The following NAALADL2 variants were observed in gnomAD, a reference collection of about 807,000 sequenced individuals.
The protein encoded by NAALADL2 is inactive N-acetylated-alpha-linked acidic dipeptidase-like protein 2.
Under a neutral mutation model 87.2 loss-of-function variants are expected in NAALADL2, and 76 were observed. That is an observed-to-expected ratio of 0.87 (90% CI 0.72 to 1.05). NAALADL2 has a LOEUF of 1.05. Among genes scored for constraint, NAALADL2 ranks in the 50% least tolerant of loss-of-function variants. The pLI, the probability that NAALADL2 is intolerant of heterozygous loss-of-function variation, is 0.00. For missense variants in NAALADL2, 1,089 were observed against 945.8 expected (o/e 1.15, Z -1.99); for synonymous variants, 354 against 331.0 (o/e 1.07, Z -0.75).
chr3:174,637,715 A>C (rs879894484), intron 2 of NAALADL2, among the ~76,000 whole-genome samples: 2 of 152,148 alleles, frequency 1.3e-5, no homozygotes, highest in Non-Finnish European at 2.9e-5. Context: ...AATATTCACA[A>C]TATAATTCTA....
chr3:174,675,569 C>T (rs966208411), intron 2 of NAALADL2, among the ~76,000 whole-genome samples: 5 of 151,976 alleles, frequency 3.3e-5, no homozygotes, highest in African/African-American at 9.7e-5. Context: ...CAACAGCCAA[C>T]CAGAACAGAC....
At chr3:174,954,972 C>A (rs73881568) in intron 1 of NAALADL2, among the ~76,000 whole-genome samples, 1,762 of 152,058 alleles carry the variant, frequency 0.012, 30 homozygotes, top group African/African-American at 0.04. Context: ...CCGTTAACAA[C>A]AATATATTAT....
At chr3:175,678,017 G>A (rs968838150) in intron 11 of NAALADL2, among the ~76,000 whole-genome samples, 13 of 152,192 alleles carry the variant, frequency 8.5e-5, no homozygotes, top group Admixed American at 3.9e-4. Flanking sequence ...AAATTTGGAA[G>A]ATTCAAAGGG....
intron 1 of NAALADL2, among the ~76,000 whole-genome samples, chr3:174,997,405 A>G (rs1747646101): frequency 6.6e-6 from 1 of 151,986 alleles, no homozygotes; most frequent in Non-Finnish European, 1.5e-5. Context: ...TTTTTTATTT[A>G]TTGTTTTGAT....
At chr3:174,488,415 A>G (rs895304338) in intron 1 of NAALADL2, among the ~76,000 whole-genome samples, 2 of 152,082 alleles carry the variant, frequency 1.3e-5, no homozygotes, top group Non-Finnish European at 1.5e-5. Flanking sequence ...AATAATATAT[A>G]TAAAGCAACT....
intron 2 of NAALADL2, among the ~76,000 whole-genome samples, chr3:175,105,494 TG>T (rs2108449656): frequency 2.0e-5 from 1 of 49,618 alleles, no homozygotes; most frequent in South Asian, 6.1e-4. Flanking sequence ...TGTATGTATG[TG>T]TGTGTATATT....
chr3:175,682,804 A>T (rs1735767345), intron 11 of NAALADL2, among the ~76,000 whole-genome samples: 1 of 152,008 alleles, frequency 6.6e-6, no homozygotes, highest in Non-Finnish European at 1.5e-5. Flanking sequence ...CTAATTTTCA[A>T]TTGCTTGCTA....
intron 5 of NAALADL2, among the ~76,000 whole-genome samples, chr3:175,367,688 T>A (rs1438770829): frequency 6.6e-6 from 1 of 152,124 alleles, no homozygotes; most frequent in Non-Finnish European, 1.5e-5. Flanking sequence ...ATGCTTGTGA[T>A]TTTTGTACAT....
At chr3:174,870,631 A>G (rs1727718456) in intron 1 of NAALADL2, among the ~76,000 whole-genome samples, 1 of 152,080 alleles carries the variant, frequency 6.6e-6, no homozygotes, top group South Asian at 2.1e-4. Context: ...AAATGCCACG[A>G]AGGGACAGAG....
intron 2 of NAALADL2, among the ~76,000 whole-genome samples, chr3:174,596,667 G>A (rs566986): frequency 0.48 from 73,370 of 151,998 alleles, 20,542 homozygotes; most frequent in East Asian, 0.8. Flanking sequence ...TTAACTGGTA[G>A]CTTGGTCTGT....
At chr3:174,551,159 GCTTT>G (rs1196337659) in intron 2 of NAALADL2, 1 of 152,034 alleles carries the variant, frequency 6.6e-6, no homozygotes, top group Non-Finnish European at 1.5e-5. Flanking sequence ...AACATTATAT[GCTTT>G]CTTTGTTTTT....
intron 2 of NAALADL2, among the ~76,000 whole-genome samples, chr3:174,570,272 C>A (rs2108532675): frequency 6.6e-6 from 1 of 151,562 alleles, no homozygotes; most frequent in South Asian, 2.1e-4. Context: ...TCAGGTCTTG[C>A]AGCAAAAGCT....
chr3:175,453,514 T>C (rs1194315053), intron 6 of NAALADL2, among the ~76,000 whole-genome samples: 1 of 152,184 alleles, frequency 6.6e-6, no homozygotes, highest in African/African-American at 2.4e-5. Flanking sequence ...AGAGTTTCAT[T>C]CAAGTTGGAC....
chr3:174,932,700 G>A (rs1485194066), intron 1 of NAALADL2, among the ~76,000 whole-genome samples: 1 of 152,184 alleles, frequency 6.6e-6, no homozygotes, highest in African/African-American at 2.4e-5. Context: ...CATTTATGGT[G>A]AACTTTGTAT....
chr3:175,497,250 C>T (rs1728947863), intron 9 of NAALADL2, among the ~76,000 whole-genome samples: 1 of 152,076 alleles, frequency 6.6e-6, no homozygotes, highest in Non-Finnish European at 1.5e-5. Flanking sequence ...TATCAGACAG[C>T]TGGTTTTTAT....
chr3:174,560,523 G>A (rs962225687), intron 2 of NAALADL2, among the ~76,000 whole-genome samples: 1 of 152,158 alleles, frequency 6.6e-6, no homozygotes, highest in Non-Finnish European at 1.5e-5. Context: ...CTGGAATACA[G>A]GAGTAGCTAA....
chr3:174,844,889 G>A (rs1393339066), intron 3 of NAALADL2, among the ~76,000 whole-genome samples: 1 of 44,332 alleles, frequency 2.3e-5, no homozygotes, highest in Admixed American at 3.6e-4. Flanking sequence ...TTTTTTATAT[G>A]TCAGGCTCTG....
chr3:175,344,184 A>G (rs146979341), intron 5 of NAALADL2, among the ~76,000 whole-genome samples: 1 of 152,236 alleles, frequency 6.6e-6, no homozygotes, highest in African/African-American at 2.4e-5. Context: ...GGTAGAGCCC[A>G]TTGTATTTGG....
At chr3:175,182,871 G>A (rs1580825352) in intron 2 of NAALADL2, among the ~76,000 whole-genome samples, 1 of 151,810 alleles carries the variant, frequency 6.6e-6, no homozygotes, top group Non-Finnish European at 1.5e-5. Flanking sequence ...CAATTGCAAG[G>A]ATCATATCCA....
Sources: allele counts gnomAD v4.1 joint callset (sites outside exome capture counted in the v4.1 genomes callset), GRCh38; gene constraint gnomAD v4.1.1; transcripts MANE v1.5; gene names NCBI Gene and HGNC (gene_info 2026-07-23, HGNC 2026-07-21).